Variants in ERN1 observed in about 807,000 individuals in gnomAD.
ERN1 encodes the protein endoplasmic reticulum to nucleus signaling 1, also known as serine/threonine-protein kinase/endoribonuclease IRE1.
ERN1 carries 39 observed loss-of-function variants against 113.1 expected under a neutral mutation model. The ratio of observed to expected loss-of-function variants is 0.34; its 90% confidence interval spans 0.27 to 0.45. ERN1 has a LOEUF of 0.45. ERN1 is among the 20% of genes least tolerant of loss of function. ERN1 has a pLI of 1.00. For synonymous variants in ERN1, 507 were observed against 515.9 expected, an observed-to-expected ratio of 0.98 and a Z score of 0.23; for missense variants, 976 against 1,274.8, an observed-to-expected ratio of 0.77 and a Z score of 3.57.
At chr17:64,062,411 G>A (rs769003843) in intron 10 of ERN1, among the ~76,000 whole-genome samples, 2 of 152,220 alleles carry the variant, frequency 1.3e-5, no homozygotes, top group East Asian at 1.9e-4. Flanking sequence ...TGTGGCCCTC[G>A]TCAACAGGAG....
rs764467817 is a variant in ERN1 at position 64,044,828 on chromosome 17, G to A, written c.2721+32C>T. On this transcript the variant is annotated intron_variant, in intron 21 of 21. Coordinates refer to ENST00000433197, the MANE Select transcript of ERN1 (RefSeq NM_001433.5). This position sits in a 1 kb window ranked among gnomAD's most constrained non-coding sequence, Gnocchi z 4.1. ...GAAGGTGTCCATGTCATGGCCACTG[G>A]GTCTCCTCCCCAGCATTTACAAACT... The A allele has an allele frequency of 2.8e-6, 4 of 1,432,594 alleles. No homozygotes were observed. Among genetic ancestry groups the A allele is most frequent in the East Asian group, 2.4e-5 (1 of 41,908 alleles). 88.7% of individuals were successfully genotyped at this position (1,432,594 alleles called of 1,614,324 possible).
At chr17:64,102,892 T>G in intron 1 of ERN1, 1 of 984,984 alleles carries the variant, frequency 1.0e-6, no homozygotes, top group Non-Finnish European at 1.2e-6. Flanking sequence ...AACTAGTAGT[T>G]GGGAGGTTAA....
In ERN1 at chr17:64,044,606, C is replaced by CGAGG. The variant is rs1912452560; in HGVS notation, c.2721+253_2721+254insCCTC. On this transcript the variant is annotated intron_variant, in intron 21 of 21. Coordinates refer to ENST00000433197, the MANE Select transcript of ERN1 (RefSeq NM_001433.5). This position sits in a 1 kb window ranked among gnomAD's most constrained non-coding sequence, Gnocchi z 4.1. ...AGGGAGAGGGCCCCACAAAAGTCAG[C>CGAGG]GACCAGAGACCATGAGGGACATGGG... Among the ~76,000 whole-genome samples the CGAGG allele has an allele frequency of 6.6e-6, 1 of 152,222 alleles. No homozygotes were observed. The highest frequency in any genetic ancestry group is 1.5e-5 in the Non-Finnish European group (1 of 68,040).
At chr17:64,058,788 C>T (rs1220384057) in intron 11 of ERN1, among the ~76,000 whole-genome samples, 3 of 152,152 alleles carry the variant, frequency 2.0e-5, no homozygotes, top group African/African-American at 7.2e-5. Flanking sequence ...CACACGCTCA[C>T]GCCATTTCAC....
At chr17:64,109,744 G>A (rs1175122083) in intron 1 of ERN1, among the ~76,000 whole-genome samples, 1 of 152,202 alleles carries the variant, frequency 6.6e-6, no homozygotes, top group Non-Finnish European at 1.5e-5. Context: ...CTTGCCCAGG[G>A]CACCACAGAC....
chr17:64,062,188 C>T (rs778998932), intron 10 of ERN1, among the ~76,000 whole-genome samples: 141 of 152,374 alleles, frequency 9.3e-4, no homozygotes, highest in Non-Finnish European at 1.1e-3. Context: ...ATCAGGCTCT[C>T]CCGGGCTTAT....
At chr17:64,087,177 T>C (rs985196242) in intron 2 of ERN1, among the ~76,000 whole-genome samples, 2 of 152,144 alleles carry the variant, frequency 1.3e-5, no homozygotes, top group African/African-American at 4.8e-5. Flanking sequence ...TTGAGCCATG[T>C]GGGGAAACTA....
intron 1 of ERN1, among the ~76,000 whole-genome samples, chr17:64,120,634 T>C (rs1352097462): frequency 6.6e-6 from 1 of 152,150 alleles, no homozygotes; most frequent in Non-Finnish European, 1.5e-5. Context: ...AAAATGAAAC[T>C]GACATGAAAT....
At chr17:64,102,863 A>C in intron 1 of ERN1, 1 of 985,360 alleles carries the variant, frequency 1.0e-6, no homozygotes, top group Middle Eastern at 5.2e-4. Context: ...CAACCATTTG[A>C]AATTTGATTC....
At position 64,054,274 on chromosome 17, in the gene ERN1, C is replaced by G; in HGVS notation, c.1929G>C (p.Glu643Asp). 6.2e-7 allele frequency: 1 copy of G among 1,613,568 alleles called. No homozygotes were observed. Among genetic ancestry groups the G allele is most frequent in the East Asian group, 2.2e-5 (1 of 44,878 alleles). The stretch of plus-strand genomic sequence containing the variant: ...CCTCTTGCAGGGTGGCTGCACACAG[C>G]TCGATGGCAATGTACTGGAATTGCC... Reference protein sequence around the residue: ...KDRQFQYIAIELCAATLQEYV... With the variant: ...KDRQFQYIAIDLCAATLQEYV... Residue 643 changes from glutamate to aspartate, a missense_variant, in exon 15 of 22, where the codon GAG becomes GAC. By Grantham distance (45) the Glu-to-Asp change is conservative (BLOSUM62 2). This residue lies in a region of ERN1 where 297 missense variants were observed against 457.8 expected (regional missense o/e 0.65). Transcript: ENST00000433197. This position sits in a 1 kb window ranked among gnomAD's most constrained non-coding sequence, Gnocchi z 4.9.
At chr17:64,112,292 C>G (rs1335922126) in intron 1 of ERN1, among the ~76,000 whole-genome samples, 1 of 150,858 alleles carries the variant, frequency 6.6e-6, no homozygotes, top group Admixed American at 6.6e-5. Context: ...CACTTGAACC[C>G]AGGAGGTGGA....
chr17:64,048,689 C>T lies in ERN1; in HGVS notation c.2401+366G>A, dbSNP rs563789548. On this transcript the variant is annotated intron_variant, in intron 18 of 21. Coordinates refer to ENST00000433197, the MANE Select transcript of ERN1 (RefSeq NM_001433.5). ...ACAGACTGCACCTACTGACCACTCG[C>T]CATCCCAAGAGAGAAGACAATTTGT... 9.2e-5 allele frequency among the ~76,000 whole-genome samples: 14 copies of T among 152,216 alleles called. No homozygotes were observed. The South Asian group carries it at 2.5e-3, about 27-fold the overall frequency.
At chr17:64,053,124 C>G in intron 16 of ERN1, 145 bp from the exon 17 acceptor site, 1 of 913,620 alleles carries the variant, frequency 1.1e-6, no homozygotes, top group East Asian at 2.7e-5. Context: ...GATTCCTCCT[C>G]AAATTCTTAC....
At chr17:64,087,055 TA>T (rs1913956252) in intron 2 of ERN1, among the ~76,000 whole-genome samples, 2 of 152,162 alleles carry the variant, frequency 1.3e-5, no homozygotes, top group South Asian at 4.1e-4. Flanking sequence ...ACCAGCAATG[TA>T]TTAGAGATTC....
intron 1 of ERN1, among the ~76,000 whole-genome samples, chr17:64,112,468 A>T (rs1049838756): frequency 9.9e-5 from 15 of 152,140 alleles, no homozygotes; most frequent in Admixed American, 8.5e-4. Context: ...TTGTATTTCC[A>T]TCATTTGGAA....
intron 10 of ERN1, among the ~76,000 whole-genome samples, 152 bp from the exon 11 acceptor site, chr17:64,060,739 C>T (rs1321906515): frequency 6.6e-6 from 1 of 152,154 alleles, no homozygotes; most frequent in Admixed American, 6.5e-5. Flanking sequence ...GTGGCAGTTA[C>T]CAGAAAATTC....
At chr17:64,078,023 G>A (rs1459203276) in intron 4 of ERN1, among the ~76,000 whole-genome samples, 3 of 152,222 alleles carry the variant, frequency 2.0e-5, no homozygotes, top group East Asian at 3.9e-4. Flanking sequence ...ATGAGCCACC[G>A]CACCCAGCCA....
chr17:64,078,252 T>C (rs1913659298), intron 4 of ERN1, among the ~76,000 whole-genome samples: 1 of 152,230 alleles, frequency 6.6e-6, no homozygotes, highest in Non-Finnish European at 1.5e-5. Context: ...GCACTGTGGC[T>C]TTAATTTGCA....
chr17:64,075,297 A>T, intron 4 of ERN1, 50 bp from the exon 5 acceptor site: 17 of 1,426,124 alleles, frequency 1.2e-5, no homozygotes, highest in Non-Finnish European at 1.6e-5. Context: ...GTCTTGTGCA[A>T]TTATTACAAT....
Sources: allele counts gnomAD v4.1 joint callset (sites outside exome capture counted in the v4.1 genomes callset), GRCh38; gene constraint gnomAD v4.1.1; regional missense constraint gnomAD v4.1.1; non-coding constraint Gnocchi (gnomAD v3.1); transcripts MANE v1.5; gene names NCBI Gene and HGNC (gene_info 2026-07-23, HGNC 2026-07-21).